PCDHA7: variants seen among roughly 807,000 people sequenced by gnomAD.
The protein encoded by PCDHA7 is protocadherin alpha 7, also known as protocadherin alpha-7.
Under a neutral mutation model 57.2 loss-of-function variants are expected in PCDHA7, and 37 were observed. The ratio of observed to expected loss-of-function variants is 0.65; its 90% CI spans 0.50 to 0.85. The LOEUF is 0.85. Among genes scored for constraint, PCDHA7 ranks in the 40% least tolerant of loss-of-function variants. The pLI is 0.00. For synonymous variants in PCDHA7, 553 were observed against 558.8 expected, an observed-to-expected ratio of 0.99 and a Z score of 0.15; for missense variants, 1,188 against 1,241.8, an observed-to-expected ratio of 0.96 and a Z score of 0.65.
chr5:140,969,046 C>A, intron 1 of PCDHA7: 5 of 1,614,074 alleles, frequency 3.1e-6, no homozygotes, highest in Non-Finnish European at 4.2e-6. Flanking sequence ...ACAAACAAGC[C>A]AACAACAATA....
rs148181752 is a variant in PCDHA7, at chr5:140,966,860, TTGCTGC to T, written c.2356-12081_2356-12076del. 7,760 of 1,577,476 alleles carry T rather than the reference TTGCTGC, an allele frequency of 4.9e-3. 268 individuals are homozygous for T. The African/African-American group carries it at 0.086, about 18-fold the overall frequency. ...GCTGCTACTGCCTCTCCTGCTGCTG[TTGCTGC>T]TGCTGCTACCTGGCCCTGCGGCCTC... On this transcript the variant is annotated intron_variant, in intron 1 of 3. Coordinates refer to ENST00000525929, the MANE Select transcript of PCDHA7 (RefSeq NM_018910.3).
chr5:140,878,468 A>G (rs2057603759), intron 1 of PCDHA7, among the ~76,000 whole-genome samples: 1 of 152,188 alleles, frequency 6.6e-6, no homozygotes, highest in Non-Finnish European at 1.5e-5. Flanking sequence ...TAATAAAATC[A>G]TTTCTCAATT....
chr5:141,009,634 G>A lies in PCDHA7; in HGVS notation c.2511G>A (p.Glu837=). The change falls in exon 4 of 4, where the codon GAG becomes GAA. Residue 837 remains glutamate (E), a synonymous_variant. Transcript: ENST00000525929. Reference sequence around the variant, plus strand: ...TAATGTTTTGTCTTTCAGAACCAGAGGCAGGAGAAGTGTCCCCTCCAGTCG... The same window carrying A: ...TAATGTTTTGTCTTTCAGAACCAGAAGCAGGAGAAGTGTCCCCTCCAGTCG... The part of the protein sequence containing the change: ...PTVSSATPEP[E]AGEVSPPVGA... The A allele has an allele frequency of 6.2e-7, 1 of 1,613,116 alleles. No individual in the cohort carries two copies. The highest frequency in any genetic ancestry group is 8.5e-7 in the Non-Finnish European group (1 of 1,179,406).
chr5:140,860,307 G>A (rs181918299), intron 1 of PCDHA7: 3 of 152,082 alleles, frequency 2.0e-5, no homozygotes, highest in Admixed American at 2.0e-4. Flanking sequence ...CTTGAGCCTG[G>A]GAAGTTGAGG....
intron 3 of PCDHA7, among the ~76,000 whole-genome samples, chr5:141,002,059 G>T (rs983772482): frequency 6.6e-6 from 1 of 152,242 alleles, no homozygotes; most frequent in East Asian, 1.9e-4. Flanking sequence ...AGAGGCAGCA[G>T]CAGCCGCCAG....
intron 1 of PCDHA7, among the ~76,000 whole-genome samples, chr5:140,839,640 TC>T (rs1776343463): frequency 6.6e-6 from 1 of 152,096 alleles, no homozygotes; most frequent in Admixed American, 6.5e-5. Flanking sequence ...AATACTATTT[TC>T]TTTACAAATT....
chr5:140,838,087 T>TA (rs1775519591), intron 1 of PCDHA7, among the ~76,000 whole-genome samples: 48 of 97,638 alleles, frequency 4.9e-4, no homozygotes, highest in South Asian at 9.2e-4. Flanking sequence ...AGTGTGTGTG[T>TA]GTGTGTGTGT....
At chr5:140,876,475 A>G (rs1385416022) in intron 1 of PCDHA7, 1 of 1,614,054 alleles carries the variant, frequency 6.2e-7, no homozygotes, top group Non-Finnish European at 8.5e-7. Context: ...AGGTCACAGC[A>G]TGGTCCTGGT....
intron 3 of PCDHA7, among the ~76,000 whole-genome samples, chr5:140,993,462 T>TCA (rs3836747): frequency 0.1 from 14,588 of 140,880 alleles, 728 homozygotes; most frequent in Middle Eastern, 0.17. Context: ...TCTTTCTTTC[T>TCA]CACACACACA....
chr5:140,842,051 C>T (rs2150328197), intron 1 of PCDHA7: 3 of 1,613,736 alleles, frequency 1.9e-6, no homozygotes, highest in Non-Finnish European at 2.5e-6. Flanking sequence ...CACTTTCGAA[C>T]AGTCTGAATA....
In PCDHA7 at chr5:141,010,033, G is replaced by A. The variant is rs2098415819; in HGVS notation, c.*96G>A. 1.9e-6 allele frequency: 3 copies of A among 1,581,924 alleles called. No homozygotes were observed. The South Asian group carries it at 3.6e-5, about 19-fold the overall frequency. ...CCCTGCTCCTTTTTCCTATCTACAT[G>A]AGCCCTCTTAGAGACCTCAGAAATC... On this transcript the variant is annotated 3_prime_UTR_variant, in exon 4 of 4. Transcript: ENST00000525929.
In PCDHA7 at chr5:140,877,126, C is replaced by G. The variant is rs781947378; in HGVS notation, c.2355+40388C>G. 10 of 1,613,632 alleles carry G rather than the reference C, an allele frequency of 6.2e-6. No homozygotes were observed. The African/African-American group carries it at 1.3e-4, about 22-fold the overall frequency. On this transcript the variant is annotated intron_variant, in intron 1 of 3. Transcript: ENST00000525929. ...GCCTCTGGGCAGCAACGTGACGCTG[C>G]AGGTGTTCGTGCTGGACGAGAACGA... is the stretch of plus-strand genomic sequence containing the variant.
chr5:140,882,330 T>C (rs1554173536), intron 1 of PCDHA7: 26 of 1,614,056 alleles, frequency 1.6e-5, no homozygotes, highest in Non-Finnish European at 2.1e-5. Context: ...CTTCTGATCC[T>C]CGCAGCCTGG....
intron 1 of PCDHA7, chr5:140,863,620 A>G (rs2048096081): frequency 3.1e-6 from 1 of 322,758 alleles, no homozygotes; most frequent in Non-Finnish European, 6.1e-6. Context: ...CCTCATAGTG[A>G]CATTGATAAT....
chr5:140,924,238 T>A (rs781820581), intron 1 of PCDHA7, among the ~76,000 whole-genome samples: 5 of 152,244 alleles, frequency 3.3e-5, no homozygotes, highest in Admixed American at 1.3e-4. Flanking sequence ...ATGGGCTGTT[T>A]TGCATCCTGG....
intron 1 of PCDHA7, among the ~76,000 whole-genome samples, chr5:140,888,737 A>G (rs1468383652): frequency 6.6e-6 from 1 of 152,036 alleles, no homozygotes; most frequent in Non-Finnish European, 1.5e-5. Flanking sequence ...TGTGAGCTCT[A>G]GGAATTATTC....
chr5:140,972,294 C>T (rs944183626), intron 1 of PCDHA7, among the ~76,000 whole-genome samples: 14 of 151,458 alleles, frequency 9.2e-5, no homozygotes, highest in South Asian at 2.1e-4. Context: ...TGTGCGCCAC[C>T]GTGTCTGACT....
intron 1 of PCDHA7, among the ~76,000 whole-genome samples, chr5:140,953,309 G>A (rs563699783): frequency 1.3e-5 from 2 of 152,220 alleles, no homozygotes; most frequent in East Asian, 1.9e-4. Flanking sequence ...AGAGATGTGG[G>A]AAGAATTTGA....
At chr5:140,857,970 C>A (rs782641512) in intron 1 of PCDHA7, 1 of 1,596,952 alleles carries the variant, frequency 6.3e-7, no homozygotes, top group Non-Finnish European at 8.6e-7. Flanking sequence ...GAGACTGACT[C>A]GCCACGCCAG....
Sources: gnomAD v4.1 joint callset for allele counts (sites outside exome capture counted in the v4.1 genomes callset) on GRCh38, gnomAD v4.1.1 for gene constraint, MANE v1.5 for transcripts, NCBI Gene and HGNC (gene_info 2026-07-23, HGNC 2026-07-21) for gene names.